Variants in ADGRL2 observed in about 807,000 individuals in gnomAD.
ADGRL2 encodes calcium-independent alpha-latrotoxin receptor 2.
A neutral mutation model predicts 157.4 loss-of-function variants in ADGRL2; 44 were observed. The ratio of observed to expected loss-of-function variants is 0.28; its 90% CI spans 0.22 to 0.36. ADGRL2 has a LOEUF of 0.36. ADGRL2 is among the 10% of genes least tolerant of loss of function. ADGRL2 has a pLI of 1.00. For synonymous variants in ADGRL2, 585 were observed against 624.7 expected, an observed-to-expected ratio of 0.94 and a Z score of 0.95; for missense variants, 1,510 against 1,768.9, an observed-to-expected ratio of 0.85 and a Z score of 2.63.
chr1:81,521,911 G>T (rs1424739015), intron 2 of ADGRL2, among the ~76,000 whole-genome samples: 4 of 151,748 alleles, frequency 2.6e-5, no homozygotes, highest in African/African-American at 9.7e-5. Flanking sequence ...ATATTGAGAA[G>T]ATATCGTCAT....
At chr1:81,670,108 A>C (rs2082843334) in intron 3 of ADGRL2, among the ~76,000 whole-genome samples, 1 of 152,190 alleles carries the variant, frequency 6.6e-6, no homozygotes, top group Non-Finnish European at 1.5e-5. Flanking sequence ...AGAATCTTTC[A>C]AGTAGTTGAG....
chr1:81,518,246 C>T (rs1020540779), intron 2 of ADGRL2, among the ~76,000 whole-genome samples: 12 of 152,350 alleles, frequency 7.9e-5, no homozygotes, highest in Middle Eastern at 3.4e-3. Flanking sequence ...GAAACAAACA[C>T]CACCTTTCAC....
chr1:81,527,711 C>CAA (rs563803245), intron 2 of ADGRL2, among the ~76,000 whole-genome samples: 2 of 141,126 alleles, frequency 1.4e-5, no homozygotes, highest in East Asian at 2.0e-4. Context: ...AACTCTGCCT[C>CAA]AAAAAAAAAA....
chr1:81,593,769 A>C (rs2081177996), intron 3 of ADGRL2, among the ~76,000 whole-genome samples: 1 of 152,198 alleles, frequency 6.6e-6, no homozygotes, highest in Non-Finnish European at 1.5e-5. Flanking sequence ...AAACAGTTAA[A>C]AGTGTACCTA....
intron 1 of ADGRL2, among the ~76,000 whole-genome samples, chr1:81,382,648 C>T (rs1360245369): frequency 3.3e-5 from 5 of 152,050 alleles, no homozygotes; most frequent in African/African-American, 4.8e-5. Context: ...TGATCAAAGA[C>T]GAAACTGCAT....
intron 5 of ADGRL2, 89 bp downstream of exon 5, chr1:81,942,134 G>A: frequency 1.8e-6 from 1 of 552,526 alleles, no homozygotes; most frequent in Non-Finnish European, 3.3e-6. Context: ...CAACACTCCT[G>A]TATTAAAATA....
chr1:81,369,500 A>G (rs1393136197), intron 1 of ADGRL2, among the ~76,000 whole-genome samples: 1 of 152,170 alleles, frequency 6.6e-6, no homozygotes, highest in Non-Finnish European at 1.5e-5. Flanking sequence ...AGGAGTTTGC[A>G]CAAAACATTC....
intron 19 of ADGRL2, among the ~76,000 whole-genome samples, 187 bp downstream of exon 19, chr1:81,982,163 T>G (rs1344124182): frequency 6.6e-6 from 1 of 151,988 alleles, no homozygotes; most frequent in Non-Finnish European, 1.5e-5. Flanking sequence ...ACCAGTCATC[T>G]TTTGTATCTC....
intron 1 of ADGRL2, among the ~76,000 whole-genome samples, chr1:81,399,864 T>C (rs1268600168): frequency 6.6e-6 from 1 of 152,168 alleles, no homozygotes; most frequent in Non-Finnish European, 1.5e-5. Flanking sequence ...TCATGTTTCC[T>C]GTAGCCCTGT....
chr1:81,604,702 T>A (rs1229292793), intron 3 of ADGRL2, among the ~76,000 whole-genome samples: 1 of 150,876 alleles, frequency 6.6e-6, no homozygotes, highest in African/African-American at 2.4e-5. Context: ...AGGTACCATG[T>A]CAAATCTTGT....
intron 1 of ADGRL2, chr1:81,427,081 G>T: frequency 1.4e-6 from 2 of 1,457,514 alleles, no homozygotes; most frequent in Non-Finnish European, 1.9e-6. Context: ...GAAGTGAAAA[G>T]GCCCTTTCTA....
At chr1:81,845,582 AT>A (rs2092755939) in intron 2 of ADGRL2, among the ~76,000 whole-genome samples, 1 of 151,824 alleles carries the variant, frequency 6.6e-6, no homozygotes, top group Admixed American at 6.6e-5. Context: ...GGACAAAAAC[AT>A]TTTTTGTAGA....
chr1:81,829,942 C>T (rs1159380423), intron 1 of ADGRL2, among the ~76,000 whole-genome samples: 2 of 152,108 alleles, frequency 1.3e-5, no homozygotes, highest in South Asian at 2.1e-4. Flanking sequence ...GGATCTTGAC[C>T]TCTTCATTAA....
chr1:81,631,199 C>G (rs993350568), intron 3 of ADGRL2, among the ~76,000 whole-genome samples: 106 of 152,034 alleles, frequency 7.0e-4, no homozygotes, highest in African/African-American at 2.5e-3. Flanking sequence ...AACCAACCGA[C>G]CTTCTTTTCT....
intron 1 of ADGRL2, among the ~76,000 whole-genome samples, chr1:81,429,020 C>T (rs2077271075): frequency 6.6e-6 from 1 of 152,126 alleles, no homozygotes; most frequent in Non-Finnish European, 1.5e-5. Flanking sequence ...AGTGCTTTTT[C>T]AGGAAGAAGT....
chr1:81,546,136 G>T (rs1323767003), intron 2 of ADGRL2, among the ~76,000 whole-genome samples: 1 of 152,002 alleles, frequency 6.6e-6, no homozygotes, highest in Non-Finnish European at 1.5e-5. Context: ...CCCTAGAATT[G>T]TGGGGAAGAA....
At chr1:81,615,431 C>T (rs2081624135) in intron 3 of ADGRL2, among the ~76,000 whole-genome samples, 4 of 152,186 alleles carry the variant, frequency 2.6e-5, no homozygotes, top group Admixed American at 6.5e-5. Context: ...GGTCTATGCG[C>T]CACCTTTAAG....
intron 1 of ADGRL2, among the ~76,000 whole-genome samples, chr1:81,395,504 A>G (rs1039199088): frequency 6.6e-6 from 1 of 152,090 alleles, no homozygotes. Flanking sequence ...TTGTCTCTTC[A>G]CTTGGTGGAT....
intron 3 of ADGRL2, among the ~76,000 whole-genome samples, chr1:81,584,183 C>T (rs1001626948): frequency 2.0e-5 from 3 of 152,136 alleles, no homozygotes; most frequent in Non-Finnish European, 4.4e-5. Flanking sequence ...AACTTCACCC[C>T]CTAGACCTCC....
Sources: allele counts gnomAD v4.1 joint callset (sites outside exome capture counted in the v4.1 genomes callset), GRCh38; gene constraint gnomAD v4.1.1; transcripts MANE v1.5; gene names NCBI Gene and HGNC (gene_info 2026-07-23, HGNC 2026-07-21).